GPCPD1: variants seen among roughly 807,000 people sequenced by gnomAD.
GPCPD1 encodes glycerophosphocholine phosphodiesterase GPCPD1.
In GPCPD1, 29 loss-of-function variants were observed where a neutral mutation model predicts 89.2. The ratio of observed to expected loss-of-function variants is 0.33; its 90% CI spans 0.24 to 0.44. GPCPD1 has a LOEUF of 0.44. Ranked by LOEUF, GPCPD1 falls within the 20% of genes least tolerant of loss-of-function variation. The pLI is 1.00. For missense variants in GPCPD1, 594 were observed against 808.9 expected, an observed-to-expected ratio of 0.73 and a Z score of 3.22; for synonymous variants, 258 against 266.3, an observed-to-expected ratio of 0.97 and a Z score of 0.30.
chr20:5,571,638 G>C (rs1489610330), intron 11 of GPCPD1, among the ~76,000 whole-genome samples: 1 of 152,206 alleles, frequency 6.6e-6, no homozygotes, highest in African/African-American at 2.4e-5. Context: ...GCAGGGTGCA[G>C]TGGCTCACGC....
intron 19 of GPCPD1, chr20:5,548,975 A>T (rs1375446272): frequency 5.3e-6 from 5 of 937,704 alleles, no homozygotes; most frequent in African/African-American, 1.7e-5. Context: ...TGGTTTTTTT[A>T]AAAAAGATAA....
At chr20:5,607,694 C>T (rs1435041526) in intron 1 of GPCPD1, among the ~76,000 whole-genome samples, 1 of 151,958 alleles carries the variant, frequency 6.6e-6, no homozygotes, top group African/African-American at 2.4e-5. Flanking sequence ...TGTGGTGGCT[C>T]ACGCCTATAA....
At chr20:5,564,767 G>C (rs948903083) in intron 15 of GPCPD1, among the ~76,000 whole-genome samples, 5 of 152,128 alleles carry the variant, frequency 3.3e-5, no homozygotes, top group Admixed American at 2.0e-4. Flanking sequence ...CTTGAGCCAA[G>C]GAAGTTGAGG....
In GPCPD1 at chr20:5,586,555, T is replaced by C. The variant is rs535838635; in HGVS notation, c.232-286A>G. Reference sequence around the variant, plus strand: ...AATCTGCCTACAATACTCAATTGTTTCAAAGAAATTTTCATTTTTAACTGA... The same window carrying C: ...AATCTGCCTACAATACTCAATTGTTCCAAAGAAATTTTCATTTTTAACTGA... On this transcript the variant is annotated intron_variant, in intron 4 of 19. Transcript: ENST00000379019. 2.0e-5 allele frequency among the ~76,000 whole-genome samples: 3 copies of C among 152,328 alleles called. No individual in the cohort carries two copies. The South Asian group carries it at 6.2e-4, about 32-fold the overall frequency.
At position 5,545,295 on chromosome 20, in the gene GPCPD1, TG is replaced by T; in HGVS notation, c.*2365del. ...ATTTTCCACCATGTTCCAAGCACTGTGAAAATAAAAATGACTATGACAAGGT... is the reference window on the plus strand; with the variant it reads ...ATTTTCCACCATGTTCCAAGCACTGTAAAATAAAAATGACTATGACAAGGT... On this transcript the variant is annotated 3_prime_UTR_variant, in exon 20 of 20. Transcript: ENST00000379019. 1 of 152,148 alleles carries T rather than the reference TG, an allele frequency of 6.6e-6. No homozygotes were observed. Among genetic ancestry groups the T allele is most frequent in the Admixed American group, 6.5e-5 (1 of 15,270 alleles). 9.4% of individuals were successfully genotyped at this position (152,148 alleles called of 1,614,324 possible).
intron 2 of GPCPD1, 29 bp from the exon 3 acceptor site, chr20:5,598,850 G>A: frequency 7.3e-7 from 1 of 1,370,114 alleles, no homozygotes; most frequent in Non-Finnish European, 1.0e-6. Context: ...CAGTCACAGA[G>A]AAACAGAACA....
rs1420375166 is a variant in GPCPD1 at position 5,576,341 on chromosome 20, A to C, written c.706-363T>G. On this transcript the variant is annotated intron_variant, in intron 8 of 19. Transcript: ENST00000379019. ...AGGCTAATGCAGGAGAAACACTTGA[A>C]CCCGGGAGGTGGAGGCTGTGGTAAG... 2.0e-5 allele frequency among the ~76,000 whole-genome samples: 3 copies of C among 149,934 alleles called. No homozygotes were observed. In the East Asian group the frequency reaches 5.9e-4, roughly 29 times the overall value.
At chr20:5,584,215 C>A in intron 6 of GPCPD1, 66 bp downstream of exon 6, 1 of 794,080 alleles carries the variant, frequency 1.3e-6, no homozygotes, top group Non-Finnish European at 2.2e-6. Context: ...TATATAACTC[C>A]AGTGAAATGT....
At chr20:5,549,675 G>A (rs1413880171) in intron 19 of GPCPD1, among the ~76,000 whole-genome samples, 1 of 149,412 alleles carries the variant, frequency 6.7e-6, no homozygotes, top group African/African-American at 2.5e-5. Flanking sequence ...AACTCAGGAG[G>A]TCAAGGGAGC....
At chr20:5,602,582 T>C (rs1980238868) in intron 2 of GPCPD1, among the ~76,000 whole-genome samples, 2 of 152,228 alleles carry the variant, frequency 1.3e-5, no homozygotes, top group African/African-American at 4.8e-5. Context: ...AGAAGCTAGA[T>C]GTAGTGTGAG....
In GPCPD1 at chr20:5,545,558, A is replaced by G. The variant is rs984978019; in HGVS notation, c.*2103T>C. 2.0e-5 allele frequency: 3 copies of G among 152,522 alleles called. No individual in the cohort carries two copies. Among genetic ancestry groups the G allele is most frequent in the Non-Finnish European group, 4.4e-5 (3 of 68,280 alleles). The allele number at this position is 152,522 out of a possible 1,614,324, so 9.4% of individuals were successfully genotyped here. A position where few individuals can be genotyped will look rare whatever the true frequency, so the allele number is the denominator to read the frequency against. ...AGGAGAGGGCTCCCAGGCAGAGGACACACGGGCACAGAGAGGAAGTCCAGG... is the reference window on the plus strand; with the variant it reads ...AGGAGAGGGCTCCCAGGCAGAGGACGCACGGGCACAGAGAGGAAGTCCAGG... On this transcript the variant is annotated 3_prime_UTR_variant, in exon 20 of 20. Transcript: ENST00000379019.
At chr20:5,563,043 C>T (rs1292202029) in intron 15 of GPCPD1, among the ~76,000 whole-genome samples, 4 of 150,424 alleles carry the variant, frequency 2.7e-5, no homozygotes, top group East Asian at 1.9e-4. Flanking sequence ...AGTGCAGTGG[C>T]GCGATCTCGG....
At chr20:5,580,229 C>CT (rs965557745) in intron 6 of GPCPD1, 98 bp from the exon 7 acceptor site, 12,556 of 482,696 alleles carry the variant, frequency 0.026, 1 homozygote, top group East Asian at 0.031. Context: ...TTCACATTCA[C>CT]TTTTTTTTTT....
chr20:5,577,566 T>A (rs1264312850), intron 8 of GPCPD1, among the ~76,000 whole-genome samples: 2 of 152,052 alleles, frequency 1.3e-5, no homozygotes, highest in Non-Finnish European at 2.9e-5. Context: ...ACTTTTATAA[T>A]AGAGTCCCAC....
At chr20:5,556,366 C>T (rs760631935) in intron 19 of GPCPD1, among the ~76,000 whole-genome samples, 8 of 152,090 alleles carry the variant, frequency 5.3e-5, no homozygotes, top group Non-Finnish European at 8.8e-5. Flanking sequence ...CCACCACACC[C>T]GGCTAATTTT....
At chr20:5,549,863 G>C (rs1175337385) in intron 19 of GPCPD1, among the ~76,000 whole-genome samples, 2 of 151,536 alleles carry the variant, frequency 1.3e-5, no homozygotes, top group African/African-American at 4.9e-5. Context: ...AAAAAAGATA[G>C]TTCTTGGAAA....
intron 4 of GPCPD1, among the ~76,000 whole-genome samples, chr20:5,591,093 C>A (rs141781769): frequency 6.4e-4 from 98 of 152,278 alleles, no homozygotes; most frequent in Non-Finnish European, 9.1e-4. Flanking sequence ...GGACTACCTG[C>A]AGATTCATAC....
rs540391347 is a variant in GPCPD1, at chr20:5,556,866, G to A, written c.1829+1079C>T. 3.9e-5 allele frequency among the ~76,000 whole-genome samples: 6 copies of A among 152,300 alleles called. No homozygotes were observed. In the South Asian group the frequency reaches 1.2e-3, roughly 32 times the overall value. ...TTCTCATTTGCATGTGTGCATTAGT[G>A]CCCAGGAGGATGGAGGAAAGGGGCT... is the stretch of plus-strand genomic sequence containing the variant. On this transcript the variant is annotated intron_variant, in intron 19 of 19. Coordinates refer to ENST00000379019, the MANE Select transcript of GPCPD1 (RefSeq NM_019593.5).
intron 4 of GPCPD1, among the ~76,000 whole-genome samples, 182 bp from the exon 5 acceptor site, chr20:5,586,451 G>A (rs1978928900): frequency 6.6e-6 from 1 of 152,108 alleles, no homozygotes; most frequent in Non-Finnish European, 1.5e-5. Context: ...ATGAAATGCT[G>A]GAAGAAAATT....
Sources: gnomAD v4.1 joint callset for allele counts (sites outside exome capture counted in the v4.1 genomes callset) on GRCh38, gnomAD v4.1.1 for gene constraint, MANE v1.5 for transcripts, NCBI Gene and HGNC (gene_info 2026-07-23, HGNC 2026-07-21) for gene names.